CARMIL1: variants seen among roughly 807,000 people sequenced by gnomAD.
CARMIL1 encodes the protein capping protein regulator and myosin 1 linker 1, also known as F-actin-uncapping protein LRRC16A.
Under a neutral mutation model 177.1 loss-of-function variants are expected in CARMIL1, and 90 were observed. That is an observed-to-expected ratio of 0.51 (90% CI 0.43 to 0.61). CARMIL1 has a LOEUF of 0.61. CARMIL1 is among the 20% of genes least tolerant of loss of function. CARMIL1 has a pLI of 0.00. For missense variants in CARMIL1, 1,380 were observed against 1,667.0 expected (o/e 0.83, Z 3.00); for synonymous variants, 577 against 606.2 (o/e 0.95, Z 0.71).
At chr6:25,525,333 A>G (rs186652280) in intron 23 of CARMIL1, among the ~76,000 whole-genome samples, 200 of 152,302 alleles carry the variant, frequency 1.3e-3, no homozygotes, top group African/African-American at 4.5e-3. Context: ...TGAACTATTT[A>G]AAGTGTTGAT....
intron 2 of CARMIL1, among the ~76,000 whole-genome samples, chr6:25,335,851 A>G (rs1360649017): frequency 6.6e-6 from 1 of 151,384 alleles, no homozygotes; most frequent in East Asian, 1.9e-4. Flanking sequence ...CTTTGTAGGC[A>G]ATGAAACTCA....
At chr6:25,512,422 C>T (rs1805543900) in intron 20 of CARMIL1, among the ~76,000 whole-genome samples, 1 of 152,030 alleles carries the variant, frequency 6.6e-6, no homozygotes, top group Non-Finnish European at 1.5e-5. Flanking sequence ...AAGTAGATGG[C>T]TTTTTCAGAA....
At chr6:25,520,367 G>T (rs1189371887) in intron 23 of CARMIL1, 30 bp downstream of exon 23, 11 of 1,177,736 alleles carry the variant, frequency 9.3e-6, no homozygotes, top group Non-Finnish European at 1.1e-5. Context: ...TTAATTACAA[G>T]AAATTCACAT....
At chr6:25,426,082 C>T (rs1280131551) in intron 3 of CARMIL1, among the ~76,000 whole-genome samples, 2 of 152,116 alleles carry the variant, frequency 1.3e-5, no homozygotes, top group Non-Finnish European at 2.9e-5. Context: ...ATGGTTCCTT[C>T]CATACATTCA....
intron 2 of CARMIL1, among the ~76,000 whole-genome samples, chr6:25,343,032 A>T (rs141115350): frequency 2.8e-4 from 42 of 152,274 alleles, no homozygotes; most frequent in East Asian, 9.7e-4. Context: ...CAGCCTAAGC[A>T]TTGTTTCTTC....
Position 25,432,021 on chromosome 6 carries a change from A to G in CARMIL1, c.250-3462A>G, listed in dbSNP as rs370504556. On this transcript the variant is annotated intron_variant, in intron 4 of 36. Coordinates refer to ENST00000329474, the MANE Select transcript of CARMIL1 (RefSeq NM_017640.6). Reference sequence around the variant, plus strand: ...ACTGCCTGTGATTGTTTTTAAAAATATACTTTCAGCAGTACCCTTCTCTCT... The same window carrying G: ...ACTGCCTGTGATTGTTTTTAAAAATGTACTTTCAGCAGTACCCTTCTCTCT... Among the ~76,000 whole-genome samples the G allele has an allele frequency of 9.8e-5, 15 of 152,326 alleles. 2 individuals are homozygous for G. In the South Asian group the frequency reaches 1.9e-3, roughly 19 times the overall value.
intron 2 of CARMIL1, among the ~76,000 whole-genome samples, chr6:25,345,002 G>A (rs1004219654): frequency 3.9e-5 from 6 of 152,050 alleles, no homozygotes; most frequent in African/African-American, 9.7e-5. Context: ...ACTGCAGAAC[G>A]TTTGAATGAG....
At chr6:25,317,399 CA>C (rs1581544610) in intron 2 of CARMIL1, among the ~76,000 whole-genome samples, 2 of 152,046 alleles carry the variant, frequency 1.3e-5, no homozygotes, top group Non-Finnish European at 2.9e-5. Context: ...CCCAAAGTCT[CA>C]AAGTGTTGGG....
In CARMIL1 at chr6:25,604,869, G is replaced by C; in HGVS notation, c.3610G>C (p.Glu1204Gln). Residue 1204 changes from glutamate (E) to glutamine (Q), a missense_variant, in exon 34 of 37, where the codon GAA (glutamate) becomes CAA (glutamine). Glu to Gln is a conservative substitution (Grantham distance 29). Coordinates refer to ENST00000329474, the MANE Select transcript of CARMIL1 (RefSeq NM_017640.6). ...DSSSPALSGV[E>Q]RSDGGGAVPK... The stretch of plus-strand genomic sequence containing the variant: ...TTCCAGCCCAGCTTTGAGCGGCGTA[G>C]AACGGTCGGATGGAGGTGGGGCAGG... 1 of 1,596,422 alleles carries C rather than the reference G, an allele frequency of 6.3e-7. No homozygotes were observed. The highest frequency in any genetic ancestry group is 2.3e-5 in the East Asian group (1 of 44,308).
chr6:25,467,043 C>T (rs943572376), intron 9 of CARMIL1, among the ~76,000 whole-genome samples: 2 of 152,104 alleles, frequency 1.3e-5, no homozygotes, highest in African/African-American at 4.8e-5. Context: ...ATGTGTGGCT[C>T]ATAGTAACTA....
chr6:25,492,755 C>A (rs1313995392), intron 15 of CARMIL1, among the ~76,000 whole-genome samples: 1 of 151,892 alleles, frequency 6.6e-6, no homozygotes, highest in East Asian at 1.9e-4. Flanking sequence ...TTTTTAAAGG[C>A]CTTATATATT....
At position 25,288,105 on chromosome 6, in the gene CARMIL1, A is replaced by G. The variant is rs143160422; in HGVS notation, c.138+3196A>G. On this transcript the variant is annotated intron_variant, in intron 2 of 36. Transcript: ENST00000329474. ...GAGGAACTCCCAACTCAGGCCTGAG[A>G]ATCAGGGAAGACTTCAGAAGGAAGA... Among the ~76,000 whole-genome samples the G allele has an allele frequency of 3.7e-3, 556 of 152,310 alleles. 2 individuals are homozygous for G. The highest frequency in any genetic ancestry group is 0.013 in the African/African-American group (537 of 41,570).
chr6:25,292,704 A>C (rs1281076587), intron 2 of CARMIL1, among the ~76,000 whole-genome samples: 1 of 152,194 alleles, frequency 6.6e-6, no homozygotes, highest in Non-Finnish European at 1.5e-5. Context: ...GGCTCGGTGT[A>C]ACTTTTCATT....
chr6:25,500,547 A>G (rs917058161), intron 17 of CARMIL1, among the ~76,000 whole-genome samples: 1 of 152,202 alleles, frequency 6.6e-6, no homozygotes, highest in South Asian at 2.1e-4. Context: ...GCCGTCATGA[A>G]AATGAAACAT....
chr6:25,357,454 C>A (rs890411493), intron 2 of CARMIL1, among the ~76,000 whole-genome samples: 1 of 151,882 alleles, frequency 6.6e-6, no homozygotes, highest in Non-Finnish European at 1.5e-5. Context: ...TGTGTTGGTA[C>A]ATGCTTGTAA....
intron 2 of CARMIL1, among the ~76,000 whole-genome samples, chr6:25,395,841 T>TC (rs1451387399): frequency 6.6e-6 from 1 of 152,252 alleles, no homozygotes; most frequent in Non-Finnish European, 1.5e-5. Context: ...AAAGGTGGTT[T>TC]CCAGCCGGGG....
intron 4 of CARMIL1, among the ~76,000 whole-genome samples, chr6:25,429,517 G>A (rs1047783827): frequency 1.3e-5 from 2 of 152,162 alleles, no homozygotes; most frequent in African/African-American, 4.8e-5. Context: ...GAATGGAAGT[G>A]GCAAGAGCAA....
At chr6:25,466,414 A>G (rs1328620247) in intron 9 of CARMIL1, among the ~76,000 whole-genome samples, 2 of 152,220 alleles carry the variant, frequency 1.3e-5, no homozygotes, top group Non-Finnish European at 2.9e-5. Flanking sequence ...GTAGATTTAT[A>G]TGAAAGCAAA....
intron 2 of CARMIL1, among the ~76,000 whole-genome samples, chr6:25,325,607 G>A (rs537102410): frequency 1.1e-4 from 17 of 152,258 alleles, no homozygotes; most frequent in African/African-American, 3.4e-4. Context: ...AGAAGTTTTT[G>A]CCTTTACTGA....
Sources: gnomAD v4.1 joint callset for allele counts (sites outside exome capture counted in the v4.1 genomes callset) on GRCh38, gnomAD v4.1.1 for gene constraint, MANE v1.5 for transcripts, NCBI Gene and HGNC (gene_info 2026-07-23, HGNC 2026-07-21) for gene names.